SCRN1: variants seen among roughly 807,000 people sequenced by gnomAD.
The protein encoded by SCRN1 is secernin-1.
A neutral mutation model predicts 43.3 loss-of-function variants in SCRN1; 19 were observed. The ratio of observed to expected loss-of-function variants is 0.44; its 90% CI spans 0.31 to 0.64. The LOEUF (loss-of-function observed/expected upper bound fraction) is 0.64, where lower values mean the gene tolerates loss of function less well. SCRN1 is among the 30% of genes least tolerant of loss of function. The pLI, the probability that SCRN1 is intolerant of heterozygous loss-of-function variation, is 0.09. For missense variants in SCRN1, 447 were observed against 524.1 expected (o/e 0.85, Z 1.44); for synonymous variants, 183 against 188.9 (o/e 0.97, Z 0.26).
intron 1 of SCRN1, chr7:29,988,683 C>G (rs1233938960): frequency 2.0e-5 from 3 of 152,570 alleles, no homozygotes; most frequent in Non-Finnish European, 4.4e-5. Context: ...CCCCACCCGG[C>G]TGCCGGACGC....
intron 3 of SCRN1, among the ~76,000 whole-genome samples, chr7:29,953,638 C>T (rs73305137): frequency 1.4e-3 from 217 of 152,186 alleles, no homozygotes; most frequent in African/African-American, 5.1e-3. Context: ...TCTGCCTTTT[C>T]CCCAGCTCAG....
rs920100243 is a variant in SCRN1 at position 29,923,609 on chromosome 7, T to G, written c.*348A>C. On this transcript the variant is annotated 3_prime_UTR_variant, in exon 8 of 8. Transcript: ENST00000242059. ...TTTGCTTTTCCCGCCAACTCGGCAC[T>G]GTGAAGCCTGCCTTTCAAGGCTTGA... The G allele has an allele frequency of 5.5e-6, 1 of 182,178 alleles. No individual in the cohort carries two copies. Among genetic ancestry groups the G allele is most frequent in the African/African-American group, 2.4e-5 (1 of 42,472 alleles). The allele number at this position is 182,178 out of a possible 1,614,324, so 11.3% of individuals were successfully genotyped here.
chr7:29,941,337 T>G (rs1024704964), intron 4 of SCRN1, among the ~76,000 whole-genome samples: 10 of 152,218 alleles, frequency 6.6e-5, no homozygotes, highest in Non-Finnish European at 1.5e-4. Context: ...CTCCCTGGTC[T>G]GATTTCTTTT....
intron 5 of SCRN1, among the ~76,000 whole-genome samples, chr7:29,939,376 C>T (rs1238831033): frequency 6.6e-6 from 1 of 152,082 alleles, no homozygotes; most frequent in Non-Finnish European, 1.5e-5. Flanking sequence ...CCACATCTGG[C>T]TAATTTTATT....
chr7:29,946,448 T>A (rs1345461383), intron 3 of SCRN1, among the ~76,000 whole-genome samples: 1 of 152,240 alleles, frequency 6.6e-6, no homozygotes, highest in Non-Finnish European at 1.5e-5. Context: ...TCCCAGGGCC[T>A]TTGCAGGGCC....
intron 7 of SCRN1, 118 bp downstream of exon 7, chr7:29,926,334 G>A (rs1786951166): frequency 8.3e-6 from 9 of 1,080,370 alleles, no homozygotes; most frequent in Non-Finnish European, 1.2e-5. Context: ...GGAGAAGCCC[G>A]GTCACACTGG....
chr7:29,947,862 CTG>C (rs1018653829), intron 3 of SCRN1, among the ~76,000 whole-genome samples: 48 of 152,320 alleles, frequency 3.2e-4, no homozygotes, highest in African/African-American at 1.1e-3. Flanking sequence ...TCCTCTTTCT[CTG>C]TTCTCTGCCA....
At chr7:29,970,599 G>A (rs999735657) in intron 1 of SCRN1, among the ~76,000 whole-genome samples, 1 of 152,126 alleles carries the variant, frequency 6.6e-6, no homozygotes, top group African/African-American at 2.4e-5. Flanking sequence ...TGAAAGCAAG[G>A]ACCTTTCCCT....
chr7:29,937,056 A>G (rs978233901), intron 5 of SCRN1, among the ~76,000 whole-genome samples: 2 of 152,146 alleles, frequency 1.3e-5, no homozygotes, highest in Non-Finnish European at 2.9e-5. Context: ...AAAAAAACAA[A>G]CAAACAAAAA....
intron 1 of SCRN1, among the ~76,000 whole-genome samples, chr7:29,983,294 G>GCCC (rs1364224962): frequency 1.2e-3 from 155 of 130,674 alleles, no homozygotes; most frequent in African/African-American, 4.4e-3. Context: ...TTATGGTGGG[G>GCCC]ACTGTGGTGG....
intron 1 of SCRN1, chr7:29,969,944 C>T (rs1788616519): frequency 1.1e-5 from 5 of 452,622 alleles, no homozygotes; most frequent in East Asian, 7.0e-5. Context: ...AATATATCAC[C>T]AAGTCCTGTA....
chr7:29,989,797 G>C lies in SCRN1; in HGVS notation c.-157C>G. The C allele has an allele frequency of 1.0e-6, 1 of 989,042 alleles. No homozygotes were observed. The allele number at this position is 989,042 out of a possible 1,614,324, so 61.3% of individuals were successfully genotyped here. A position where few individuals can be genotyped will look rare whatever the true frequency, so the allele number is the denominator to read the frequency against. ...GCCGCCGGGCGCTTCCCCCTACCCAGACTCCCGGCGCTGGGGCCCGCCGCC... is the reference window on the plus strand; with the variant it reads ...GCCGCCGGGCGCTTCCCCCTACCCACACTCCCGGCGCTGGGGCCCGCCGCC... On this transcript the variant is annotated 5_prime_UTR_variant, in exon 1 of 8. Coordinates refer to ENST00000242059, the MANE Select transcript of SCRN1 (RefSeq NM_014766.5).
chr7:29,970,920 T>C (rs1183212017), intron 1 of SCRN1, among the ~76,000 whole-genome samples: 3 of 152,220 alleles, frequency 2.0e-5, no homozygotes, highest in Non-Finnish European at 4.4e-5. Flanking sequence ...TGTACATATG[T>C]TGCTTGTATA....
chr7:29,978,530 A>G (rs192679011), intron 1 of SCRN1, among the ~76,000 whole-genome samples: 18 of 152,264 alleles, frequency 1.2e-4, no homozygotes, highest in African/African-American at 4.3e-4. Flanking sequence ...GGTACAAGAG[A>G]ATGACACACT....
At chr7:29,987,772 C>G (rs1412515351) in intron 1 of SCRN1, among the ~76,000 whole-genome samples, 1 of 152,170 alleles carries the variant, frequency 6.6e-6, no homozygotes. Flanking sequence ...ATGTGGAACC[C>G]GGGGGAGTTA....
At chr7:29,968,342 A>C (rs1345118918) in intron 2 of SCRN1, among the ~76,000 whole-genome samples, 1 of 152,210 alleles carries the variant, frequency 6.6e-6, no homozygotes, top group Non-Finnish European at 1.5e-5. Context: ...GATCTCCAGA[A>C]TATGTTTTGA....
In SCRN1 at chr7:29,923,963, A is replaced by G; in HGVS notation, c.1239T>C (p.Phe413=). The change falls in exon 8 of 8, where the codon TTT becomes TTC. Residue 413 remains phenylalanine (F), a synonymous_variant. Coordinates refer to ENST00000242059, the MANE Select transcript of SCRN1 (RefSeq NM_014766.5). The part of the protein sequence containing the change: ...YDCVDTEIKF[F]K ...GGGAAAGGGAACGCTTACTTCACTT[A>G]AAGAACTTAATCTCCGTGTCAACAC... 1.9e-6 allele frequency: 3 copies of G among 1,610,738 alleles called. No individual in the cohort carries two copies. Among genetic ancestry groups the G allele is most frequent in the Non-Finnish European group, 2.5e-6 (3 of 1,178,740 alleles).
At position 29,965,412 on chromosome 7, in the gene SCRN1, C is replaced by T. The variant is rs774832283; in HGVS notation, c.159+3497G>A. ...CTCAGTCTGAACGAGTCAGGGGCAG[C>T]GGGGAGGAGATGGACAAACAAGAGA... On this transcript the variant is annotated intron_variant, in intron 2 of 7. Coordinates refer to ENST00000242059, the MANE Select transcript of SCRN1 (RefSeq NM_014766.5). The surrounding 1 kb of genome is among the most constrained non-coding windows in gnomAD (Gnocchi z 4.2). Among the ~76,000 whole-genome samples the T allele has an allele frequency of 3.9e-5, 6 of 151,984 alleles. No homozygotes were observed. Among genetic ancestry groups the T allele is most frequent in the Non-Finnish European group, 7.4e-5 (5 of 68,014 alleles).
chr7:29,940,055 G>T (rs188098757), intron 5 of SCRN1, among the ~76,000 whole-genome samples: 29 of 152,246 alleles, frequency 1.9e-4, no homozygotes, highest in African/African-American at 7.0e-4. Context: ...ATGGCAGCAG[G>T]GGTGCAGCTG....
Sources: allele counts gnomAD v4.1 joint callset (sites outside exome capture counted in the v4.1 genomes callset), GRCh38; gene constraint gnomAD v4.1.1; non-coding constraint Gnocchi (gnomAD v3.1); transcripts MANE v1.5; gene names NCBI Gene and HGNC (gene_info 2026-07-23, HGNC 2026-07-21).